The following PHACTR1 variants were observed in gnomAD, a reference collection of about 807,000 sequenced individuals.
The protein encoded by PHACTR1 is phosphatase and actin regulator 1.
In PHACTR1, 16 loss-of-function variants were observed where a neutral mutation model predicts 69.2. That is an observed-to-expected ratio of 0.23 (90% confidence interval 0.16 to 0.35). The LOEUF is 0.35. Ranked by LOEUF, PHACTR1 falls within the 10% of genes least tolerant of loss-of-function variation. The pLI, the probability that PHACTR1 is intolerant of heterozygous loss-of-function variation, is 1.00. For synonymous variants in PHACTR1, 312 were observed against 284.5 expected, an observed-to-expected ratio of 1.10 and a Z score of -0.97; for missense variants, 510 against 734.7, an observed-to-expected ratio of 0.69 and a Z score of 3.54.
intron 4 of PHACTR1, among the ~76,000 whole-genome samples, chr6:12,779,303 C>T (rs1482723860): frequency 6.6e-6 from 1 of 152,140 alleles, no homozygotes; most frequent in Non-Finnish European, 1.5e-5. Context: ...CCATTGCACT[C>T]CAGCCTGGGC....
At chr6:13,159,889 G>C (rs1281028040) in intron 5 of PHACTR1, among the ~76,000 whole-genome samples, 1 of 152,074 alleles carries the variant, frequency 6.6e-6, no homozygotes, top group African/African-American at 2.4e-5. Context: ...GCAGTGAGCT[G>C]AGATCGCGCC....
In PHACTR1 at chr6:13,039,567, T is replaced by C. The variant is rs140910506; in HGVS notation, c.251-13798T>C. Among the ~76,000 whole-genome samples the C allele has an allele frequency of 6.1e-4, 93 of 152,340 alleles. No homozygotes were observed. The East Asian group carries it at 7.5e-3, about 12-fold the overall frequency. ...ACTCAGGCACTCTCCTGAGTTTTTCTGGTAGATAAAGTAGAAGAATTATTT... is the reference window on the plus strand; with the variant it reads ...ACTCAGGCACTCTCCTGAGTTTTTCCGGTAGATAAAGTAGAAGAATTATTT... On this transcript the variant is annotated intron_variant, in intron 4 of 14. Coordinates refer to ENST00000332995, the MANE Select transcript of PHACTR1 (RefSeq NM_030948.6).
chr6:13,276,330 G>A (rs1159223736), intron 11 of PHACTR1, among the ~76,000 whole-genome samples: 3 of 152,314 alleles, frequency 2.0e-5, no homozygotes, highest in Non-Finnish European at 2.9e-5. Context: ...AATCAGGCCC[G>A]TGGGGGTGGC....
intron 10 of PHACTR1, among the ~76,000 whole-genome samples, chr6:13,233,658 C>T (rs1771568081): frequency 6.6e-6 from 1 of 152,094 alleles, no homozygotes. Context: ...GGGAAACTGC[C>T]CCCATGATTC....
At chr6:12,720,140 A>G (rs1442424678) in intron 3 of PHACTR1, among the ~76,000 whole-genome samples, 1 of 152,226 alleles carries the variant, frequency 6.6e-6, no homozygotes, top group African/African-American at 2.4e-5. Context: ...AAGTAAGAAA[A>G]TGCTGGAAGT....
At chr6:12,749,583 C>A in intron 3 of PHACTR1, 61 bp from the exon 4 acceptor site, 1 of 816,430 alleles carries the variant, frequency 1.2e-6, no homozygotes, top group Non-Finnish European at 1.8e-6. Context: ...CGAGCCTCTT[C>A]CTCTCCCCTC....
chr6:13,260,075 T>C (rs1343974714), intron 10 of PHACTR1, among the ~76,000 whole-genome samples: 1 of 152,164 alleles, frequency 6.6e-6, no homozygotes, highest in Non-Finnish European at 1.5e-5. Context: ...GATTATTAAT[T>C]TGTTTAACAT....
chr6:13,219,589 C>T (rs1768278582), intron 8 of PHACTR1, among the ~76,000 whole-genome samples: 1 of 152,128 alleles, frequency 6.6e-6, no homozygotes, highest in Non-Finnish European at 1.5e-5. Flanking sequence ...TTCCTCTTGT[C>T]GCCTATTCTC....
intron 10 of PHACTR1, among the ~76,000 whole-genome samples, chr6:13,239,071 G>A (rs771674918): frequency 7.2e-5 from 11 of 152,168 alleles, no homozygotes; most frequent in Non-Finnish European, 1.5e-4. Flanking sequence ...GTGGGGCACA[G>A]CTTAGGGGGC....
intron 4 of PHACTR1, among the ~76,000 whole-genome samples, chr6:12,985,261 A>T (rs1796001430): frequency 9.0e-6 from 1 of 111,016 alleles, no homozygotes; most frequent in Non-Finnish European, 1.7e-5. Flanking sequence ...AATTTTCTCG[A>T]ACCATAGGAA....
intron 3 of PHACTR1, among the ~76,000 whole-genome samples, chr6:12,725,240 A>C (rs566280220): frequency 2.0e-5 from 3 of 152,308 alleles, no homozygotes; most frequent in South Asian, 2.1e-4. Context: ...CTTTGAGTTA[A>C]ATATACTCTA....
chr6:12,903,539 A>G (rs956716143), intron 4 of PHACTR1, among the ~76,000 whole-genome samples: 4 of 152,238 alleles, frequency 2.6e-5, no homozygotes, highest in Non-Finnish European at 5.9e-5. Context: ...GAATGAGCAC[A>G]TTGGGTGCAA....
At chr6:12,891,188 GATA>G (rs1218472711) in intron 4 of PHACTR1, among the ~76,000 whole-genome samples, 18 of 152,014 alleles carry the variant, frequency 1.2e-4, no homozygotes, top group Admixed American at 9.2e-4. Context: ...TTCTTGGGGG[GATA>G]ATATCACCAT....
At chr6:13,029,912 C>CA (rs1802216443) in intron 4 of PHACTR1, among the ~76,000 whole-genome samples, 1 of 152,190 alleles carries the variant, frequency 6.6e-6, no homozygotes. Flanking sequence ...GTGTGACAGA[C>CA]AGAACAGGCA....
chr6:12,986,461 T>A (rs948383358), intron 4 of PHACTR1, among the ~76,000 whole-genome samples: 1 of 152,242 alleles, frequency 6.6e-6, no homozygotes, highest in Admixed American at 6.5e-5. Context: ...ATGGGCCTAC[T>A]ACTGTATGGT....
At chr6:12,974,190 G>T (rs2127585026) in intron 4 of PHACTR1, among the ~76,000 whole-genome samples, 1 of 152,210 alleles carries the variant, frequency 6.6e-6, no homozygotes, top group South Asian at 2.1e-4. Context: ...AAAGTGCTGG[G>T]ATTACAGGTG....
rs1426912655 is a variant in PHACTR1 at position 13,283,895 on chromosome 6, G to A, written c.1650+333G>A. The A allele has an allele frequency of 3.5e-5, 11 of 316,940 alleles. No individual in the cohort carries two copies. Among genetic ancestry groups the A allele is most frequent in the South Asian group, 7.0e-5 (2 of 28,378 alleles). The allele number at this position is 316,940 out of a possible 1,614,324, so 19.6% of individuals were successfully genotyped here. On this transcript the variant is annotated intron_variant, in intron 13 of 14. Transcript: ENST00000332995. This position sits in a 1 kb window ranked among gnomAD's most constrained non-coding sequence, Gnocchi z 4.7. ...GCTCCAGGCTCATCACAGCCCTTCCGTATAGGGGATGGTGCTGCCGGCATC... is the reference window on the plus strand; with the variant it reads ...GCTCCAGGCTCATCACAGCCCTTCCATATAGGGGATGGTGCTGCCGGCATC...
intron 4 of PHACTR1, among the ~76,000 whole-genome samples, chr6:12,927,377 G>T (rs1788385384): frequency 1.3e-5 from 2 of 152,114 alleles, no homozygotes; most frequent in South Asian, 4.1e-4. Context: ...GCATGGGCTT[G>T]CAAAGATGAT....
At chr6:12,770,255 C>T (rs1769207765) in intron 4 of PHACTR1, among the ~76,000 whole-genome samples, 1 of 152,228 alleles carries the variant, frequency 6.6e-6, no homozygotes. Context: ...TATTTAGCAT[C>T]TCCTATGCCC....
Sources: gnomAD v4.1 joint callset for allele counts (sites outside exome capture counted in the v4.1 genomes callset) on GRCh38, gnomAD v4.1.1 for gene constraint, Gnocchi (gnomAD v3.1) non-coding constraint, MANE v1.5 for transcripts, NCBI Gene and HGNC (gene_info 2026-07-23, HGNC 2026-07-21) for gene names.